Variants in PRKG1 observed in about 807,000 individuals in gnomAD.
PRKG1 encodes the protein protein kinase cGMP-dependent 1.
PRKG1 carries 35 observed loss-of-function variants against 88.1 expected under a neutral mutation model. The observed-to-expected ratio is 0.40, with a 90% CI of 0.30 to 0.53. The LOEUF is 0.53. PRKG1 is among the 20% of genes least tolerant of loss of function. The pLI is 0.59. For synonymous variants in PRKG1, 303 were observed against 292.5 expected (o/e 1.04, Z -0.37); for missense variants, 540 against 839.8 (o/e 0.64, Z 4.41).
chr10:51,718,890 T>C (rs1039583833), intron 3 of PRKG1, among the ~76,000 whole-genome samples: 9 of 150,900 alleles, frequency 6.0e-5, no homozygotes, highest in African/African-American at 2.2e-4. Flanking sequence ...CTCATGCCTG[T>C]AATCTCTGCA....
intron 3 of PRKG1, among the ~76,000 whole-genome samples, chr10:51,552,275 T>A (rs1394630355): frequency 6.6e-6 from 1 of 151,690 alleles, no homozygotes; most frequent in Non-Finnish European, 1.5e-5. Flanking sequence ...AAAAAGTTTC[T>A]AATAATGTCT....
At chr10:51,276,817 T>A (rs1332956035) in intron 2 of PRKG1, among the ~76,000 whole-genome samples, 1 of 152,198 alleles carries the variant, frequency 6.6e-6, no homozygotes, top group East Asian at 1.9e-4. Context: ...GGGTTGTTTT[T>A]TTCTCGTAAA....
At chr10:51,029,955 T>C (rs1387709421) in intron 1 of PRKG1, among the ~76,000 whole-genome samples, 1 of 152,154 alleles carries the variant, frequency 6.6e-6, no homozygotes, top group African/African-American at 2.4e-5. Context: ...ATCTATCTCC[T>C]AGAACTGTTT....
chr10:51,945,643 C>A (rs1204494143), intron 5 of PRKG1, among the ~76,000 whole-genome samples: 1 of 151,368 alleles, frequency 6.6e-6, no homozygotes, highest in African/African-American at 2.4e-5. Flanking sequence ...TCTTTTAGGG[C>A]AGGCCTGGTG....
At chr10:51,953,318 T>C (rs777034249) in intron 5 of PRKG1, among the ~76,000 whole-genome samples, 10 of 152,190 alleles carry the variant, frequency 6.6e-5, no homozygotes, top group Non-Finnish European at 1.0e-4. Flanking sequence ...GAAATGTCAA[T>C]GTAGAGGTAG....
At chr10:51,720,016 G>C (rs1841974105) in intron 3 of PRKG1, among the ~76,000 whole-genome samples, 1 of 152,104 alleles carries the variant, frequency 6.6e-6, no homozygotes, top group African/African-American at 2.4e-5. Flanking sequence ...GAATTGTTCT[G>C]GAAGTAGCCA....
intron 8 of PRKG1, among the ~76,000 whole-genome samples, chr10:52,143,482 C>T (rs1329831161): frequency 6.6e-6 from 1 of 152,118 alleles, no homozygotes; most frequent in African/African-American, 2.4e-5. Context: ...GAAAATCACC[C>T]CCTGTTAGGA....
At chr10:51,040,151 A>G (rs975259516) in intron 1 of PRKG1, among the ~76,000 whole-genome samples, 14 of 151,848 alleles carry the variant, frequency 9.2e-5, no homozygotes, top group South Asian at 6.3e-4. Flanking sequence ...CATTGAATCC[A>G]TAGATTGCTT....
intron 9 of PRKG1, among the ~76,000 whole-genome samples, chr10:52,178,451 G>C (rs1295639553): frequency 2.0e-5 from 3 of 152,016 alleles, no homozygotes; most frequent in Non-Finnish European, 4.4e-5. Context: ...ATATACTGAT[G>C]AAAAGAATAG....
intron 3 of PRKG1, among the ~76,000 whole-genome samples, chr10:51,514,690 A>G (rs1035071280): frequency 1.1e-4 from 16 of 152,200 alleles, no homozygotes; most frequent in African/African-American, 3.4e-4. Context: ...GAGAAGGGTG[A>G]CCTGCTTTAA....
intron 3 of PRKG1, among the ~76,000 whole-genome samples, chr10:51,669,628 T>C (rs2132345369): frequency 6.6e-6 from 1 of 152,354 alleles, no homozygotes; most frequent in South Asian, 2.1e-4. Flanking sequence ...ATTTCTTCAG[T>C]TAAAATCTCA....
intron 2 of PRKG1, among the ~76,000 whole-genome samples, chr10:51,381,118 A>G (rs1344602423): frequency 6.6e-6 from 1 of 151,684 alleles, no homozygotes; most frequent in Non-Finnish European, 1.5e-5. Context: ...TTAGCTGGAC[A>G]TGGTGGCACA....
chr10:51,245,303 A>G (rs1416108408), intron 2 of PRKG1, among the ~76,000 whole-genome samples: 1 of 152,096 alleles, frequency 6.6e-6, no homozygotes, highest in East Asian at 1.9e-4. Context: ...GGTCCCTGTT[A>G]TCTAGTGAAA....
At chr10:51,330,275 C>T (rs1054872848) in intron 2 of PRKG1, among the ~76,000 whole-genome samples, 6 of 151,690 alleles carry the variant, frequency 4.0e-5, no homozygotes, top group Middle Eastern at 3.4e-3. Context: ...CTCAGCCTCC[C>T]GAGTAGCTGG....
intron 10 of PRKG1, among the ~76,000 whole-genome samples, chr10:52,254,305 A>C (rs1194507): frequency 0.72 from 109,651 of 151,808 alleles, 42,714 homozygotes; most frequent in Non-Finnish European, 0.89. Context: ...AATATTATAA[A>C]GTGCTATTGA....
chr10:51,711,657 T>C (rs1021925873), intron 3 of PRKG1, among the ~76,000 whole-genome samples: 7 of 152,222 alleles, frequency 4.6e-5, no homozygotes, highest in African/African-American at 7.2e-5. Context: ...CTCAAAGCTG[T>C]AGCATTTTTT....
intron 3 of PRKG1, among the ~76,000 whole-genome samples, chr10:51,509,058 A>G (rs1841314958): frequency 6.6e-6 from 1 of 152,148 alleles, no homozygotes; most frequent in Admixed American, 6.5e-5. Flanking sequence ...TGTCAGCCAA[A>G]TATAAAAGAA....
chr10:51,805,994 C>A (rs143267487), intron 4 of PRKG1, among the ~76,000 whole-genome samples: 1 of 151,634 alleles, frequency 6.6e-6, no homozygotes, highest in Admixed American at 6.6e-5. Context: ...TATTCAGGTG[C>A]CTTCTATATT....
At chr10:52,069,598 A>C (rs2133282993) in intron 7 of PRKG1, among the ~76,000 whole-genome samples, 1 of 152,318 alleles carries the variant, frequency 6.6e-6, no homozygotes, top group Admixed American at 6.5e-5. Context: ...TATGGATTTT[A>C]ATATTTTTCC....
Sources: gnomAD v4.1 joint callset for allele counts (sites outside exome capture counted in the v4.1 genomes callset) on GRCh38, gnomAD v4.1.1 for gene constraint, MANE v1.5 for transcripts, NCBI Gene and HGNC (gene_info 2026-07-23, HGNC 2026-07-21) for gene names.